Variants in USP24 observed in about 807,000 individuals in gnomAD.
USP24 encodes the protein ubiquitin carboxyl-terminal hydrolase 24.
Under a neutral mutation model 361.6 loss-of-function variants are expected in USP24, and 97 were observed. That is an observed-to-expected ratio of 0.27 (90% confidence interval 0.23 to 0.32). The LOEUF (loss-of-function observed/expected upper bound fraction) is 0.32. Among genes scored for constraint, USP24 ranks in the 10% least tolerant of loss-of-function variants. The pLI, the probability that USP24 is intolerant of heterozygous loss-of-function variation, is 1.00. For missense variants in USP24, 2,353 were observed against 3,165.6 expected (o/e 0.74, Z 6.16); for synonymous variants, 1,098 against 1,124.6 (o/e 0.98, Z 0.47).
At chr1:55,111,463 A>G (rs1250525302) in intron 38 of USP24, among the ~76,000 whole-genome samples, 1 of 152,126 alleles carries the variant, frequency 6.6e-6, no homozygotes, top group African/African-American at 2.4e-5. Flanking sequence ...TTAACTTCTT[A>G]AAAATGGCTT....
chr1:55,206,257 C>T (rs1644700220), intron 1 of USP24, among the ~76,000 whole-genome samples: 1 of 152,180 alleles, frequency 6.6e-6, no homozygotes, highest in Non-Finnish European at 1.5e-5. Flanking sequence ...ATTATCAATA[C>T]ACACATGCAA....
chr1:55,205,306 T>C (rs1305296130), intron 1 of USP24, among the ~76,000 whole-genome samples: 1 of 152,030 alleles, frequency 6.6e-6, no homozygotes, highest in African/African-American at 2.4e-5. Context: ...ATAAAAACAA[T>C]TAGCAAGGCA....
intron 2 of USP24, 141 bp downstream of exon 2, chr1:55,177,826 C>T: frequency 1.4e-6 from 1 of 739,762 alleles, no homozygotes; most frequent in South Asian, 2.5e-5. Context: ...CAAAGCTTTT[C>T]TTCTGCAGGA....
In USP24 at chr1:55,113,127, C is replaced by T. The variant is rs185657802; in HGVS notation, c.4509-2881G>A. Among the ~76,000 whole-genome samples the T allele has an allele frequency of 4.6e-5, 7 of 151,748 alleles. No individual in the cohort carries two copies. The East Asian group carries it at 1.4e-3, about 29-fold the overall frequency. ...CTTTCCATTTGCTTGGGAAAAATTCCTAGACGGCTAGCCAGATTAATAAAG... is the reference window on the plus strand; with the variant it reads ...CTTTCCATTTGCTTGGGAAAAATTCTTAGACGGCTAGCCAGATTAATAAAG... On this transcript the variant is annotated intron_variant, in intron 38 of 67. Transcript: ENST00000294383.
chr1:55,195,643 A>G (rs970269255), intron 1 of USP24, among the ~76,000 whole-genome samples: 2 of 152,218 alleles, frequency 1.3e-5, no homozygotes, highest in African/African-American at 2.4e-5. Context: ...GCGACATACT[A>G]TAACATGAAC....
intron 1 of USP24, among the ~76,000 whole-genome samples, chr1:55,191,782 G>A (rs1261128054): frequency 6.6e-6 from 1 of 152,086 alleles, no homozygotes; most frequent in African/African-American, 2.4e-5. Context: ...GAGCCACCCT[G>A]CCTGGCCTGG....
At chr1:55,127,295 C>T (rs1265256241) in intron 32 of USP24, among the ~76,000 whole-genome samples, 1 of 152,072 alleles carries the variant, frequency 6.6e-6, no homozygotes, top group African/African-American at 2.4e-5. Context: ...TCAATTCCCA[C>T]CTATGGGTGA....
chr1:55,071,021 G>C, intron 67 of USP24: 1 of 524,638 alleles, frequency 1.9e-6, no homozygotes, highest in South Asian at 8.3e-5. Flanking sequence ...GAGTGACCTT[G>C]GGCTAAGTCA....
intron 41 of USP24, among the ~76,000 whole-genome samples, chr1:55,104,872 T>C (rs1453766762): frequency 1.3e-5 from 2 of 152,208 alleles, no homozygotes; most frequent in Non-Finnish European, 2.9e-5. Context: ...GGAGGTGCCA[T>C]TTACACAGGC....
intron 52 of USP24, among the ~76,000 whole-genome samples, chr1:55,093,332 C>A (rs1645422796): frequency 1.3e-5 from 2 of 152,200 alleles, no homozygotes; most frequent in Admixed American, 1.3e-4. Context: ...GTTCTAGCTA[C>A]TGAGCTTTTG....
chr1:55,142,769 G>T lies in USP24; in HGVS notation c.2607C>A (p.Phe869Leu). The T allele has an allele frequency of 6.4e-7, 1 of 1,553,770 alleles. No homozygotes were observed. The highest frequency in any genetic ancestry group is 8.7e-7 in the Non-Finnish European group (1 of 1,146,756). ...CTAATCTTGTGTAGCAATCAGCAAT[G>T]AATTTCTTATGTAAAGATACTGAAT... ...KKDSVSLHKK[F>L]IADCYTRLEA... The change falls in exon 23 of 68, where the codon TTC (phenylalanine) becomes TTA (leucine). Residue 869 changes from phenylalanine (F) to leucine (L), a missense_variant. Transcript: ENST00000294383.
intron 38 of USP24, among the ~76,000 whole-genome samples, chr1:55,113,806 A>G (rs1646025172): frequency 6.6e-6 from 1 of 152,244 alleles, no homozygotes; most frequent in Non-Finnish European, 1.5e-5. Flanking sequence ...CCAATATCAT[A>G]CTGAATGGGC....
At chr1:55,150,709 C>T in intron 16 of USP24, among the ~76,000 whole-genome samples, 1 of 152,054 alleles carries the variant, frequency 6.6e-6, no homozygotes, top group East Asian at 1.9e-4. Context: ...AAGAAAAAGT[C>T]TATAAAACTA....
chr1:55,149,483 TG>T (rs1227413180), intron 16 of USP24, among the ~76,000 whole-genome samples: 1 of 152,214 alleles, frequency 6.6e-6, no homozygotes, highest in Admixed American at 6.5e-5. Flanking sequence ...TTGTTGTCTT[TG>T]TAGAGAAACA....
At chr1:55,148,328 A>C (rs1328560847) in intron 17 of USP24, 135 bp downstream of exon 17, 1 of 593,088 alleles carries the variant, frequency 1.7e-6, no homozygotes, top group Non-Finnish European at 2.8e-6. Flanking sequence ...TAAACTCAAG[A>C]TTATTAGATG....
At chr1:55,191,460 T>C (rs141404956) in intron 1 of USP24, among the ~76,000 whole-genome samples, 3 of 151,936 alleles carry the variant, frequency 2.0e-5, no homozygotes, top group African/African-American at 7.2e-5. Flanking sequence ...TAAGGCTTAG[T>C]ATTTACTTAC....
At chr1:55,077,065 C>T (rs1362245141) in intron 62 of USP24, among the ~76,000 whole-genome samples, 170 bp downstream of exon 62, 2 of 152,080 alleles carry the variant, frequency 1.3e-5, no homozygotes, top group Admixed American at 6.5e-5. Context: ...TATTACTGCT[C>T]GCCTCTAAAC....
intron 16 of USP24, among the ~76,000 whole-genome samples, chr1:55,151,669 G>T (rs949699210): frequency 6.6e-6 from 1 of 152,084 alleles, no homozygotes; most frequent in South Asian, 2.1e-4. Context: ...TGACATAAGA[G>T]GGAAGGATTG....
intron 23 of USP24, among the ~76,000 whole-genome samples, chr1:55,142,416 G>C (rs1646914122): frequency 6.6e-6 from 1 of 151,474 alleles, no homozygotes; most frequent in Admixed American, 6.6e-5. Flanking sequence ...TACCTGAACA[G>C]GAAAAGAAAA....
Sources: allele counts gnomAD v4.1 joint callset (sites outside exome capture counted in the v4.1 genomes callset), GRCh38; gene constraint gnomAD v4.1.1; transcripts MANE v1.5; gene names NCBI Gene and HGNC (gene_info 2026-07-23, HGNC 2026-07-21).